Variants in ADAMTS16 observed in about 807,000 individuals in gnomAD.
ADAMTS16 encodes the protein A disintegrin and metalloproteinase with thrombospondin motifs 16.
A neutral mutation model predicts 145.8 loss-of-function variants in ADAMTS16; 94 were observed. That is an observed-to-expected ratio of 0.64 (90% CI 0.55 to 0.77). The LOEUF (loss-of-function observed/expected upper bound fraction) is 0.77, where lower values mean the gene tolerates loss of function less well. Ranked by LOEUF, ADAMTS16 falls within the 30% of genes least tolerant of loss-of-function variation. The pLI is 0.00. For missense variants in ADAMTS16, 1,585 were observed against 1,591.5 expected, an observed-to-expected ratio of 1.00 and a Z score of 0.07; for synonymous variants, 659 against 604.3, an observed-to-expected ratio of 1.09 and a Z score of -1.33.
chr5:5,259,845 A>G (rs1338710309), intron 17 of ADAMTS16, among the ~76,000 whole-genome samples: 1 of 152,124 alleles, frequency 6.6e-6, no homozygotes, highest in African/African-American at 2.4e-5. Context: ...GTGAATTGGA[A>G]TCTTGAGTTT....
At chr5:5,239,093 A>C in intron 14 of ADAMTS16, 58 bp from the exon 15 acceptor site, 1 of 1,400,166 alleles carries the variant, frequency 7.1e-7, no homozygotes, top group Non-Finnish European at 9.4e-7. Flanking sequence ...GATTGGTGAC[A>C]GTATTGCTGT....
At chr5:5,144,360 GC>G (rs1385934917) in intron 2 of ADAMTS16, among the ~76,000 whole-genome samples, 1 of 152,076 alleles carries the variant, frequency 6.6e-6, no homozygotes, top group Non-Finnish European at 1.5e-5. Flanking sequence ...TACTTTGAAA[GC>G]TCATTATTTG....
chr5:5,232,549 G>T, intron 12 of ADAMTS16, 33 bp downstream of exon 12: 1 of 1,599,428 alleles, frequency 6.3e-7, no homozygotes. Flanking sequence ...CCTCACAAAC[G>T]ACTGATTTCC....
chr5:5,174,869 C>T (rs1197292852), intron 3 of ADAMTS16, among the ~76,000 whole-genome samples: 1 of 152,208 alleles, frequency 6.6e-6, no homozygotes, highest in Admixed American at 6.5e-5. Context: ...ATTCAAGGCC[C>T]AAGGTGTCTT....
intron 11 of ADAMTS16, among the ~76,000 whole-genome samples, chr5:5,225,151 T>C (rs1268421122): frequency 6.6e-6 from 1 of 152,126 alleles, no homozygotes; most frequent in Non-Finnish European, 1.5e-5. Context: ...TGTGGGACTC[T>C]GTAAGCCAAA....
At chr5:5,268,007 C>T in intron 18 of ADAMTS16, among the ~76,000 whole-genome samples, 1 of 152,190 alleles carries the variant, frequency 6.6e-6, no homozygotes, top group East Asian at 1.9e-4. Flanking sequence ...GGAAGAGACA[C>T]TTCAGGCTTG....
chr5:5,241,375 T>C (rs1005473871), intron 16 of ADAMTS16, among the ~76,000 whole-genome samples: 1 of 152,222 alleles, frequency 6.6e-6, no homozygotes, highest in East Asian at 1.9e-4. Context: ...TGCCCTAAAC[T>C]ATGACTCAGT....
At chr5:5,229,086 C>T (rs977733463) in intron 11 of ADAMTS16, among the ~76,000 whole-genome samples, 7 of 151,980 alleles carry the variant, frequency 4.6e-5, no homozygotes, top group African/African-American at 1.7e-4. Flanking sequence ...ATCACGAGGT[C>T]AGGAGATCGA....
intron 18 of ADAMTS16, among the ~76,000 whole-genome samples, chr5:5,289,541 C>T (rs564956294): frequency 1.3e-5 from 2 of 152,310 alleles, no homozygotes; most frequent in African/African-American, 4.8e-5. Context: ...CAAACTCCAA[C>T]AGGTCTATCT....
intron 3 of ADAMTS16, among the ~76,000 whole-genome samples, chr5:5,175,129 A>G (rs1364487867): frequency 6.6e-6 from 1 of 152,136 alleles, no homozygotes; most frequent in Non-Finnish European, 1.5e-5. Flanking sequence ...TGAAGCTAGC[A>G]CATCTCTGAC....
At position 5,145,045 on chromosome 5, in the gene ADAMTS16, C is replaced by A. The variant is rs568649809; in HGVS notation, c.176-1085C>A. Among the ~76,000 whole-genome samples, 45 of 152,250 alleles carry A rather than the reference C, an allele frequency of 3.0e-4. No homozygotes were observed. The South Asian group carries it at 8.9e-3, about 30-fold the overall frequency. ...AAAACAACTGGGGCCTCACGGGAGC[C>A]TTGCAGGGCTTCTTGGAGTTCAGTT... On this transcript the variant is annotated intron_variant, in intron 2 of 22. Transcript: ENST00000274181.
intron 2 of ADAMTS16, among the ~76,000 whole-genome samples, chr5:5,143,171 T>C (rs959932282): frequency 6.6e-6 from 1 of 152,028 alleles, no homozygotes; most frequent in Non-Finnish European, 1.5e-5. Context: ...CAAAAGAAAC[T>C]ATCATCAGAG....
At chr5:5,236,388 G>T (rs1209897197) in intron 13 of ADAMTS16, among the ~76,000 whole-genome samples, 2 of 151,870 alleles carry the variant, frequency 1.3e-5, no homozygotes, top group East Asian at 3.9e-4. Flanking sequence ...CCTTGAAATG[G>T]ATTATTTAGG....
intron 18 of ADAMTS16, among the ~76,000 whole-genome samples, chr5:5,264,267 G>T (rs547917780): frequency 6.6e-6 from 1 of 152,256 alleles, no homozygotes; most frequent in South Asian, 2.1e-4. Context: ...TTTCACAGGG[G>T]ACCTGCCCCT....
intron 10 of ADAMTS16, among the ~76,000 whole-genome samples, chr5:5,215,751 G>GTA (rs1736408220): frequency 7.2e-6 from 1 of 138,200 alleles, no homozygotes; most frequent in Admixed American, 7.1e-5. Flanking sequence ...TATATGTGGT[G>GTA]TATATATATG....
intron 10 of ADAMTS16, among the ~76,000 whole-genome samples, chr5:5,215,781 GTATA>G (rs1164651660): frequency 2.2e-5 from 1 of 44,624 alleles, no homozygotes; most frequent in South Asian, 5.3e-4. Flanking sequence ...TATATATATG[GTATA>G]TATATGTGTG....
chr5:5,311,300 C>CAAA (rs57267931), intron 21 of ADAMTS16, among the ~76,000 whole-genome samples: 4 of 127,940 alleles, frequency 3.1e-5, no homozygotes, highest in African/African-American at 9.1e-5. Flanking sequence ...TTGACATAGG[C>CAAA]AAAAAAAAAA....
intron 4 of ADAMTS16, among the ~76,000 whole-genome samples, chr5:5,185,533 G>T (rs1735471779): frequency 1.3e-5 from 2 of 152,216 alleles, no homozygotes; most frequent in Non-Finnish European, 2.9e-5. Context: ...AAGTGGAGCT[G>T]CCTCAAGCAT....
intron 2 of ADAMTS16, among the ~76,000 whole-genome samples, chr5:5,145,512 G>A (rs547249712): frequency 4.6e-5 from 7 of 152,304 alleles, no homozygotes; most frequent in South Asian, 2.1e-4. Context: ...AATCCAGGTC[G>A]TTCTTCTCCA....
Sources: gnomAD v4.1 joint callset for allele counts (sites outside exome capture counted in the v4.1 genomes callset) on GRCh38, gnomAD v4.1.1 for gene constraint, MANE v1.5 for transcripts, NCBI Gene and HGNC (gene_info 2026-07-23, HGNC 2026-07-21) for gene names.